Variants in COL22A1 observed in about 807,000 individuals in gnomAD.
The protein encoded by COL22A1 is collagen type XXII alpha 1 chain, also known as collagen alpha-1(XXII) chain.
In COL22A1, 221 loss-of-function variants were observed where a neutral mutation model predicts 248.9. That is an observed-to-expected ratio of 0.89 (90% CI 0.80 to 0.99). The LOEUF is 0.99. Among genes scored for constraint, COL22A1 ranks in the 50% least tolerant of loss-of-function variants. The probability of loss-of-function intolerance (pLI) is 0.00; values close to 1 mark genes in which losing one functional copy is unlikely to be tolerated. For synonymous variants in COL22A1, 891 were observed against 793.4 expected (o/e 1.12, Z -2.07); for missense variants, 2,240 against 2,179.0 (o/e 1.03, Z -0.56).
intron 3 of COL22A1, among the ~76,000 whole-genome samples, chr8:138,858,858 C>T (rs979013086): frequency 1.2e-4 from 18 of 152,290 alleles, no homozygotes; most frequent in African/African-American, 3.9e-4. Context: ...AATCCAGAGG[C>T]GGGCTGAAGA....
At chr8:138,651,743 G>A (rs1276591214) in intron 45 of COL22A1, among the ~76,000 whole-genome samples, 1 of 152,150 alleles carries the variant, frequency 6.6e-6, no homozygotes, top group East Asian at 1.9e-4. Context: ...ATGGATGGAT[G>A]GATGGATGCA....
intron 17 of COL22A1, among the ~76,000 whole-genome samples, chr8:138,762,156 G>A (rs1833540238): frequency 6.6e-6 from 1 of 152,198 alleles, no homozygotes; most frequent in Non-Finnish European, 1.5e-5. Context: ...CGCGTGGTCA[G>A]AGGCCTTTAC....
chr8:138,688,325 A>C (rs1331973847), intron 37 of COL22A1, among the ~76,000 whole-genome samples: 1 of 152,090 alleles, frequency 6.6e-6, no homozygotes, highest in African/African-American at 2.4e-5. Context: ...GTTTGAGACC[A>C]GCCTGAGCAA....
At chr8:138,873,334 T>A (rs2132021585) in intron 3 of COL22A1, among the ~76,000 whole-genome samples, 1 of 152,308 alleles carries the variant, frequency 6.6e-6, no homozygotes, top group African/African-American at 2.4e-5. Flanking sequence ...TCTTATATTC[T>A]TTTCTTTGGC....
chr8:138,694,448 G>C, intron 34 of COL22A1, 60 bp downstream of exon 34: 1 of 1,533,830 alleles, frequency 6.5e-7, no homozygotes, highest in South Asian at 1.1e-5. Context: ...CCTGGAGCGA[G>C]AGAGTGTGGC....
intron 63 of COL22A1, among the ~76,000 whole-genome samples, chr8:138,593,611 T>G (rs73718828): frequency 5.9e-5 from 9 of 152,228 alleles, no homozygotes; most frequent in African/African-American, 2.2e-4. Flanking sequence ...GATAAGTCAC[T>G]GCCTTGAGAC....
Position 138,594,447 on chromosome 8 carries a change from T to C in COL22A1, c.4433-248A>G, listed in dbSNP as rs552758382. On this transcript the variant is annotated intron_variant, in intron 62 of 64. Transcript: ENST00000303045. ...GGCACCTTCTGATTGCGGCTGGCCATGGGGTGACTTAATCAGTAGTGACCA... is the reference window on the plus strand; with the variant it reads ...GGCACCTTCTGATTGCGGCTGGCCACGGGGTGACTTAATCAGTAGTGACCA... 9.9e-5 allele frequency among the ~76,000 whole-genome samples: 15 copies of C among 152,276 alleles called. No individual in the cohort carries two copies. In the South Asian group the frequency reaches 2.1e-3, roughly 21 times the overall value.
intron 14 of COL22A1, 73 bp from the exon 15 acceptor site, chr8:138,778,479 CAGTCCCACGTTTGGTGACA>C (rs1814677902): frequency 7.3e-7 from 1 of 1,364,298 alleles, no homozygotes; most frequent in Non-Finnish European, 1.0e-6. Flanking sequence ...ACAGCTCAGC[CAGTCCCACGTTTGGTGACA>C]AGAGCTGCTA....
intron 64 of COL22A1, among the ~76,000 whole-genome samples, chr8:138,590,878 C>T (rs190128146): frequency 1.8e-3 from 278 of 152,306 alleles, no homozygotes; most frequent in South Asian, 3.1e-3. Flanking sequence ...CCTCTGTTCC[C>T]AGAAACATCC....
At chr8:138,762,326 G>A (rs2131397358) in intron 17 of COL22A1, 87 bp downstream of exon 17, 2 of 1,340,514 alleles carry the variant, frequency 1.5e-6, no homozygotes, top group East Asian at 4.6e-5. Context: ...AGGTGCTGAG[G>A]CTCTGTGGAG....
chr8:138,765,233 C>T (rs1283188174), intron 16 of COL22A1, among the ~76,000 whole-genome samples: 1 of 152,198 alleles, frequency 6.6e-6, no homozygotes, highest in Admixed American at 6.5e-5. Context: ...TCTCTTTCTA[C>T]TGCCTTGGAG....
intron 22 of COL22A1, among the ~76,000 whole-genome samples, chr8:138,745,101 C>T (rs1411028452): frequency 6.6e-6 from 1 of 152,152 alleles, no homozygotes; most frequent in Non-Finnish European, 1.5e-5. Flanking sequence ...TCTCAAAGAT[C>T]CCTGTTGCCA....
rs1247074345 is a variant in COL22A1, at chr8:138,724,687, G to A, written c.2194-19C>T. Reference sequence around the variant, plus strand: ...GCAAACCCTGAAAGGGGACCACATGGACCCTGTTAGCCTGGCCTGTTCAGA... The same window carrying A: ...GCAAACCCTGAAAGGGGACCACATGAACCCTGTTAGCCTGGCCTGTTCAGA... On this transcript the variant is annotated intron_variant, in intron 24 of 64. Transcript: ENST00000303045. The A allele has an allele frequency of 6.2e-7, 1 of 1,611,818 alleles. No individual in the cohort carries two copies. Among genetic ancestry groups the A allele is most frequent in the Non-Finnish European group, 8.5e-7 (1 of 1,177,932 alleles).
At chr8:138,722,828 A>T (rs1176091103) in intron 25 of COL22A1, among the ~76,000 whole-genome samples, 1 of 78,802 alleles carries the variant, frequency 1.3e-5, no homozygotes, top group African/African-American at 4.8e-5. Context: ...TGTGCCTTAA[A>T]TGATATCGGG....
At chr8:138,821,545 C>G in intron 6 of COL22A1, 134 bp from the exon 7 acceptor site, 1 of 860,626 alleles carries the variant, frequency 1.2e-6, no homozygotes, top group Non-Finnish European at 1.8e-6. Context: ...CAGCTGGTCA[C>G]CTGCCACCTG....
At chr8:138,620,419 A>C (rs1282049549) in intron 52 of COL22A1, 1 of 152,088 alleles carries the variant, frequency 6.6e-6, no homozygotes, top group African/African-American at 2.4e-5. Flanking sequence ...GAAAAAAAAA[A>C]AAAACTATAG....
intron 3 of COL22A1, among the ~76,000 whole-genome samples, chr8:138,863,832 A>G (rs1226584283): frequency 1.3e-5 from 2 of 152,142 alleles, no homozygotes; most frequent in African/African-American, 4.8e-5. Flanking sequence ...AATCTTTGCA[A>G]TGTGTCTATG....
intron 1 of COL22A1, among the ~76,000 whole-genome samples, chr8:138,908,695 C>G (rs992844864): frequency 6.6e-6 from 1 of 152,148 alleles, no homozygotes; most frequent in African/African-American, 2.4e-5. Context: ...ATCTCACATA[C>G]CGCCTGGCAC....
chr8:138,620,765 A>G (rs1303647833), intron 52 of COL22A1: 1 of 152,242 alleles, frequency 6.6e-6, no homozygotes, highest in African/African-American at 2.4e-5. Flanking sequence ...GCTCAAGGTC[A>G]CACAGCTGGG....
Sources: gnomAD v4.1 joint callset for allele counts (sites outside exome capture counted in the v4.1 genomes callset) on GRCh38, gnomAD v4.1.1 for gene constraint, MANE v1.5 for transcripts, NCBI Gene and HGNC (gene_info 2026-07-23, HGNC 2026-07-21) for gene names.